Variants in REV1 observed in about 807,000 individuals in gnomAD.
The protein encoded by REV1 is translesion synthesis protein REV1.
A neutral mutation model predicts 137.4 loss-of-function variants in REV1; 42 were observed. The observed-to-expected ratio is 0.31, with a 90% confidence interval of 0.24 to 0.40. REV1 has a LOEUF of 0.40. Among genes scored for constraint, REV1 ranks in the 10% least tolerant of loss-of-function variants. REV1 has a pLI of 1.00. For missense variants in REV1, 1,282 were observed against 1,490.1 expected (o/e 0.86, Z 2.30); for synonymous variants, 524 against 519.2 (o/e 1.01, Z -0.12).
chr2:99,428,540 T>C (rs1046238571), intron 9 of REV1, among the ~76,000 whole-genome samples: 3 of 152,196 alleles, frequency 2.0e-5, no homozygotes, highest in African/African-American at 7.2e-5. Flanking sequence ...GTTTAAAATA[T>C]AAGCATGCAC....
chr2:99,489,464 C>A (rs1338848479), intron 1 of REV1, among the ~76,000 whole-genome samples: 1 of 150,668 alleles, frequency 6.6e-6, no homozygotes, highest in East Asian at 1.9e-4. Context: ...CTGACCGGGC[C>A]GGCGGGATGC....
chr2:99,406,650 T>G, intron 15 of REV1, 160 bp from the exon 16 acceptor site: 1 of 507,298 alleles, frequency 2.0e-6, no homozygotes, highest in Non-Finnish European at 3.2e-6. Flanking sequence ...TATGACTTAT[T>G]ACAAAAACAA....
intron 4 of REV1, among the ~76,000 whole-genome samples, chr2:99,448,341 A>G (rs1373204612): frequency 6.6e-6 from 1 of 152,222 alleles, no homozygotes; most frequent in Non-Finnish European, 1.5e-5. Flanking sequence ...GTAATTGCTC[A>G]TATGTATTAC....
At chr2:99,440,157 T>C (rs1286968411) in intron 5 of REV1, among the ~76,000 whole-genome samples, 1 of 152,182 alleles carries the variant, frequency 6.6e-6, no homozygotes. Context: ...GCAGAACCCA[T>C]GACAAATGTT....
chr2:99,412,376 A>C (rs1677297628), intron 13 of REV1, among the ~76,000 whole-genome samples: 1 of 152,146 alleles, frequency 6.6e-6, no homozygotes, highest in Non-Finnish European at 1.5e-5. Context: ...GGTTTGCTGA[A>C]ACTTAATTTT....
At chr2:99,413,076 C>T (rs1677396373) in intron 12 of REV1, 125 bp from the exon 13 acceptor site, 2 of 713,952 alleles carry the variant, frequency 2.8e-6, no homozygotes, top group Non-Finnish European at 4.6e-6. Context: ...CTTTAGGCAA[C>T]ATAACTGAAG....
intron 4 of REV1, 51 bp downstream of exon 4, chr2:99,449,285 A>G: frequency 8.9e-7 from 1 of 1,128,224 alleles, no homozygotes; most frequent in African/African-American, 1.7e-5. Context: ...ATAAATAAAA[A>G]GTATTCTAAC....
chr2:99,430,437 T>C (rs1257463910), intron 8 of REV1, among the ~76,000 whole-genome samples: 1 of 152,196 alleles, frequency 6.6e-6, no homozygotes, highest in Non-Finnish European at 1.5e-5. Flanking sequence ...AACATGAAAT[T>C]CCTACCATCT....
chr2:99,421,398 A>G, intron 11 of REV1, 101 bp downstream of exon 11: 1 of 1,139,408 alleles, frequency 8.8e-7, no homozygotes, highest in African/African-American at 1.6e-5. Flanking sequence ...ACGGTTTTAC[A>G]AGTGAGAGGA....
intron 14 of REV1, among the ~76,000 whole-genome samples, chr2:99,409,341 G>A (rs1444062698): frequency 1.3e-5 from 2 of 152,130 alleles, no homozygotes; most frequent in Non-Finnish European, 2.9e-5. Context: ...TCATATACAT[G>A]AATGCACCAT....
chr2:99,461,782 G>A (rs1684236803), intron 3 of REV1, among the ~76,000 whole-genome samples: 1 of 152,204 alleles, frequency 6.6e-6, no homozygotes, highest in African/African-American at 2.4e-5. Context: ...AAAACAAAGA[G>A]AAAGTCATGA....
At position 99,442,446 on chromosome 2, in the gene REV1, G is replaced by C. The variant is rs1036302017; in HGVS notation, c.374C>G (p.Ser125Cys). 3.7e-6 allele frequency: 6 copies of C among 1,613,868 alleles called. No individual in the cohort carries two copies. The South Asian group carries it at 6.6e-5, about 18-fold the overall frequency. Residue 125 changes from serine to cysteine, a missense_variant, in exon 5 of 23, where the codon TCC becomes TGC. Physicochemically the swap from Ser to Cys is moderately radical, Grantham distance 112. This residue lies in a region of REV1 where 107 missense variants were observed against 164.3 expected (regional missense o/e 0.65). Coordinates refer to ENST00000258428, the MANE Select transcript of REV1 (RefSeq NM_016316.4). ...GGTGTACAGCTGATATGGAATGTAG[G>C]AGAGGAGTCGTCCAGCTTTGATGCT... ...VESIKAGRLL[S>C]YIPYQLYTKQ...
chr2:99,475,337 G>C (rs1685852891), intron 1 of REV1, among the ~76,000 whole-genome samples: 1 of 152,224 alleles, frequency 6.6e-6, no homozygotes, highest in South Asian at 2.1e-4. Flanking sequence ...GAAGTAACTT[G>C]TGGAATGCTG....
At position 99,442,709 on chromosome 2, in the gene REV1, C is replaced by T. The variant is rs539942764; in HGVS notation, c.351-240G>A. On this transcript the variant is annotated intron_variant, in intron 4 of 22. Coordinates refer to ENST00000258428, the MANE Select transcript of REV1 (RefSeq NM_016316.4). ...TTAAACCTCATGACTTTAGTATTTA[C>T]CACCCTGTCAACAGTTAACAGAGAA... Among the ~76,000 whole-genome samples the T allele has an allele frequency of 7.2e-5, 11 of 152,162 alleles. No homozygotes were observed. In the East Asian group the frequency reaches 1.9e-3, roughly 27 times the overall value.
intron 1 of REV1, among the ~76,000 whole-genome samples, chr2:99,466,630 T>C (rs776796453): frequency 2.0e-5 from 3 of 152,234 alleles, no homozygotes; most frequent in Non-Finnish European, 2.9e-5. Context: ...TTTGAATTTT[T>C]ACTGTCACCC....
intron 1 of REV1, among the ~76,000 whole-genome samples, chr2:99,466,913 C>G (rs891613474): frequency 3.9e-5 from 6 of 152,156 alleles, no homozygotes; most frequent in African/African-American, 1.4e-4. Flanking sequence ...CCAGTCCCAA[C>G]AGACTTCAGC....
At chr2:99,476,126 C>T (rs1685944857) in intron 1 of REV1, among the ~76,000 whole-genome samples, 1 of 152,220 alleles carries the variant, frequency 6.6e-6, no homozygotes, top group African/African-American at 2.4e-5. Context: ...TGTACCTATC[C>T]ACAGATGTGG....
chr2:99,458,282 A>C (rs1683754869), intron 3 of REV1, among the ~76,000 whole-genome samples: 1 of 152,230 alleles, frequency 6.6e-6, no homozygotes, highest in Non-Finnish European at 1.5e-5. Flanking sequence ...TGAGGAAAAA[A>C]ATATGAACAA....
At chr2:99,411,772 G>A (rs556829400) in intron 13 of REV1, among the ~76,000 whole-genome samples, 16 of 151,978 alleles carry the variant, frequency 1.1e-4, no homozygotes, top group Admixed American at 1.0e-3. Context: ...ATGTTAATAA[G>A]TTCTGCTAAT....
Sources: gnomAD v4.1 joint callset for allele counts (sites outside exome capture counted in the v4.1 genomes callset) on GRCh38, gnomAD v4.1.1 for gene constraint, gnomAD v4.1.1 regional missense constraint, MANE v1.5 for transcripts, NCBI Gene and HGNC (gene_info 2026-07-23, HGNC 2026-07-21) for gene names.